The following EDRF1 variants were observed in gnomAD, a reference collection of about 807,000 sequenced individuals.
EDRF1 encodes the protein erythroid differentiation regulatory factor 1.
In EDRF1, 69 loss-of-function variants were observed where a neutral mutation model predicts 148.7. The ratio of observed to expected loss-of-function variants is 0.46; its 90% confidence interval spans 0.38 to 0.57. EDRF1 has a LOEUF of 0.57. Among genes scored for constraint, EDRF1 ranks in the 20% least tolerant of loss-of-function variants. EDRF1 has a pLI of 0.00. For missense variants in EDRF1, 1,118 were observed against 1,478.7 expected (o/e 0.76, Z 4.00); for synonymous variants, 515 against 532.8 (o/e 0.97, Z 0.46).
At position 125,749,430 on chromosome 10, in the gene EDRF1, A is replaced by G; in HGVS notation, c.3142A>G (p.Arg1048Gly). 2 of 1,614,212 alleles carry G rather than the reference A, an allele frequency of 1.2e-6. No individual in the cohort carries two copies. Among genetic ancestry groups the G allele is most frequent in the Non-Finnish European group, 1.7e-6 (2 of 1,180,036 alleles). Residue 1048 changes from arginine to glycine, a missense_variant, in exon 22 of 25, where the codon AGG becomes GGG. Coordinates refer to ENST00000356792, the MANE Select transcript of EDRF1 (RefSeq NM_001202438.2). The part of the protein sequence containing the change: ...LRNQVGDEHL[R>G]KQHRVLADLH... ...GTTCTAGGTTGGTGATGAACACCTT[A>G]GGAAACAACACCGGGTGCTGGCAGA...
In EDRF1 at chr10:125,763,791, G is replaced by A. The variant is rs1850293746; in HGVS notation, c.*319G>A. 5 of 387,376 alleles carry A rather than the reference G, an allele frequency of 1.3e-5. No homozygotes were observed. Among genetic ancestry groups the A allele is most frequent in the Middle Eastern group, 8.0e-4 (1 of 1,256 alleles). 24.0% of individuals were successfully genotyped at this position (387,376 alleles called of 1,614,324 possible). Reference sequence around the variant, plus strand: ...ATTTTTGAAGTATGTCAAGCTACACGGGTCTAAGATATGATTATTTTGGAT... The same window carrying A: ...ATTTTTGAAGTATGTCAAGCTACACAGGTCTAAGATATGATTATTTTGGAT... On this transcript the variant is annotated 3_prime_UTR_variant, in exon 25 of 25. Transcript: ENST00000356792. This position sits in a 1 kb window ranked among gnomAD's most constrained non-coding sequence, Gnocchi z 4.3.
chr10:125,756,708 C>T (rs183301968), intron 24 of EDRF1: 18 of 347,828 alleles, frequency 5.2e-5, no homozygotes, highest in East Asian at 8.9e-5. Context: ...AGCTACTCAA[C>T]GTTCTTTTGG....
intron 6 of EDRF1, 107 bp from the exon 7 acceptor site, chr10:125,728,896 T>C: frequency 2.3e-6 from 2 of 858,026 alleles, no homozygotes; most frequent in Non-Finnish European, 3.5e-6. Flanking sequence ...TTCACAATGG[T>C]AGATTTGAAG....
intron 24 of EDRF1, 62 bp downstream of exon 24, chr10:125,753,907 C>A (rs962044817): frequency 1.3e-6 from 2 of 1,571,898 alleles, no homozygotes; most frequent in East Asian, 4.5e-5. Flanking sequence ...AAAATTTTCT[C>A]TACTAACATC....
At chr10:125,754,923 A>G (rs1489807002) in intron 24 of EDRF1, among the ~76,000 whole-genome samples, 1 of 152,146 alleles carries the variant, frequency 6.6e-6, no homozygotes, top group Non-Finnish European at 1.5e-5. Context: ...ATACAGTAAA[A>G]TGGACTCTTT....
Position 125,734,203 on chromosome 10 carries a change from A to G in EDRF1, c.1497+20A>G. Reference sequence around the variant, plus strand: ...CCTCAAGTAAGATTAACATTTATGTATTCTCTAAAACAATCCTAGCATTCT... The same window carrying G: ...CCTCAAGTAAGATTAACATTTATGTGTTCTCTAAAACAATCCTAGCATTCT... On this transcript the variant is annotated intron_variant, in intron 12 of 24. Coordinates refer to ENST00000356792, the MANE Select transcript of EDRF1 (RefSeq NM_001202438.2). The G allele has an allele frequency of 6.5e-7, 1 of 1,537,926 alleles. No individual in the cohort carries two copies. Among genetic ancestry groups the G allele is most frequent in the East Asian group, 2.3e-5 (1 of 44,432 alleles).
intron 6 of EDRF1, 151 bp from the exon 7 acceptor site, chr10:125,728,852 A>G (rs555189111): frequency 1.8e-5 from 11 of 606,562 alleles, no homozygotes; most frequent in South Asian, 1.0e-4. Flanking sequence ...AAGCCACCCA[A>G]TGAGGCGTGT....
chr10:125,748,862 C>A (rs1849507976), intron 21 of EDRF1: 1 of 179,674 alleles, frequency 5.6e-6, no homozygotes, highest in Admixed American at 5.4e-5. Flanking sequence ...AAAGACTACT[C>A]CTCTGCTGCA....
intron 8 of EDRF1, among the ~76,000 whole-genome samples, chr10:125,729,972 A>G (rs1443360071): frequency 6.6e-6 from 1 of 152,200 alleles, no homozygotes; most frequent in Non-Finnish European, 1.5e-5. Flanking sequence ...ATGGTCTTGT[A>G]TGGTGTTCAG....
chr10:125,741,122 A>G lies in EDRF1; in HGVS notation c.2292A>G (p.Ala764=). 4.3e-6 allele frequency: 7 copies of G among 1,614,172 alleles called. No individual in the cohort carries two copies. The highest frequency in any genetic ancestry group is 5.9e-6 in the Non-Finnish European group (7 of 1,180,038). ...CCCAGAATGCAAATAATAGAGCAGC[A>G]CACCTTGAAGAGTTTCATTACCAAA... The part of the protein sequence containing the change: ...MLAQNANNRA[A]HLEEFHYQTK... The change falls in exon 17 of 25, where the codon GCA becomes GCG. Residue 764 remains alanine (A), a synonymous_variant. Transcript: ENST00000356792.
chr10:125,742,733 T>C (rs1849095533), intron 17 of EDRF1: 1 of 985,152 alleles, frequency 1.0e-6, no homozygotes, highest in South Asian at 4.7e-5. Context: ...TAGTTAAAAA[T>C]AGCAACTTTA....
chr10:125,759,867 C>T (rs1426452326), intron 24 of EDRF1, among the ~76,000 whole-genome samples: 1 of 152,162 alleles, frequency 6.6e-6, no homozygotes, highest in Non-Finnish European at 1.5e-5. Flanking sequence ...TCCGCCACCA[C>T]ACCCGGCTAA....
At position 125,733,617 on chromosome 10, in the gene EDRF1, CTT is replaced by C; in HGVS notation, c.1277-16_1277-15del. ...GGGTAACTGCTGTGAAATGAGTCTT[CTT>C]TGTTTTTCTTTTCAGCAAGTGGCAG... is the stretch of plus-strand genomic sequence containing the variant. On this transcript the variant is annotated splice_polypyrimidine_tract_variant and intron_variant, in intron 10 of 24. Coordinates refer to ENST00000356792, the MANE Select transcript of EDRF1 (RefSeq NM_001202438.2). The C allele has an allele frequency of 6.2e-7, 1 of 1,612,456 alleles. No homozygotes were observed. Among genetic ancestry groups the C allele is most frequent in the Non-Finnish European group, 8.5e-7 (1 of 1,178,672 alleles).
Position 125,753,855 on chromosome 10 carries a change from G to T in EDRF1, c.3545+10G>T. 6.2e-7 allele frequency: 1 copy of T among 1,611,856 alleles called. No individual in the cohort carries two copies. Among genetic ancestry groups the T allele is most frequent in the Non-Finnish European group, 8.5e-7 (1 of 1,179,638 alleles). Reference sequence around the variant, plus strand: ...CTAAAAAGAAAACAAGGTAAATTAAGTGGTTATTTGTAGGAATTTCTTTCC... The same window carrying T: ...CTAAAAAGAAAACAAGGTAAATTAATTGGTTATTTGTAGGAATTTCTTTCC... On this transcript the variant is annotated intron_variant, in intron 24 of 24. Transcript: ENST00000356792.
At chr10:125,724,078 G>C in intron 4 of EDRF1, 142 bp downstream of exon 4, 1 of 943,834 alleles carries the variant, frequency 1.1e-6, no homozygotes, top group Non-Finnish European at 1.6e-6. Flanking sequence ...ACTGAAGATA[G>C]AAAAGCTTGA....
At position 125,745,739 on chromosome 10, in the gene EDRF1, T is replaced by C. The variant is rs1433749246; in HGVS notation, c.2623T>C (p.Leu875=). Residue 875 remains leucine, a synonymous_variant, in exon 19 of 25, where the codon TTG becomes CTG. Transcript: ENST00000356792. ...SKSVSAAEQQ[L]WKKSFSCFEK... ...ATCTGTGTCTGCTGCCGAGCAACAG[T>C]TGTGGAAAAAAAGCTTTTCTTGTTT... The C allele has an allele frequency of 1.9e-6, 3 of 1,614,210 alleles. No homozygotes were observed. In the Admixed American group the frequency reaches 5.0e-5, roughly 27 times the overall value.
Position 125,723,900 on chromosome 10 carries a change from G to A in EDRF1, c.474G>A (p.Glu158=), listed in dbSNP as rs745787655. The A allele has an allele frequency of 1.9e-6, 3 of 1,613,638 alleles. No homozygotes were observed. The South Asian group carries it at 3.3e-5, about 18-fold the overall frequency. The change falls in exon 4 of 25, where the codon GAG becomes GAA. Residue 158 remains glutamate (E), a synonymous_variant. Coordinates refer to ENST00000356792, the MANE Select transcript of EDRF1 (RefSeq NM_001202438.2). Reference sequence around the variant, plus strand: ...TAGGAAGGACTCTCTTACTAGATGAGCTAGATATTCAAGAACTCTTTATGA... The same window carrying A: ...TAGGAAGGACTCTCTTACTAGATGAACTAGATATTCAAGAACTCTTTATGA... ...HRIGRTLLLD[E]LDIQELFMRS...
At chr10:125,732,258 G>A (rs974797513) in intron 9 of EDRF1, among the ~76,000 whole-genome samples, 3 of 152,148 alleles carry the variant, frequency 2.0e-5, no homozygotes, top group Non-Finnish European at 4.4e-5. Context: ...AAAGAGAGAG[G>A]CAGATAAAGC....
At chr10:125,739,443 T>G (rs1360303677) in intron 15 of EDRF1, among the ~76,000 whole-genome samples, 3 of 152,238 alleles carry the variant, frequency 2.0e-5, no homozygotes, top group Non-Finnish European at 4.4e-5. Context: ...ATTACTTGAT[T>G]CTCTTACCAC....
Sources: gnomAD v4.1 joint callset for allele counts (sites outside exome capture counted in the v4.1 genomes callset) on GRCh38, gnomAD v4.1.1 for gene constraint, Gnocchi (gnomAD v3.1) non-coding constraint, MANE v1.5 for transcripts, NCBI Gene and HGNC (gene_info 2026-07-23, HGNC 2026-07-21) for gene names.